DNAAF11: variants seen among roughly 807,000 people sequenced by gnomAD.
The protein encoded by DNAAF11 is dynein axonemal assembly factor 11.
Under a neutral mutation model 60.8 loss-of-function variants are expected in DNAAF11, and 45 were observed. That is an observed-to-expected ratio of 0.74 (90% confidence interval 0.58 to 0.95). The LOEUF (loss-of-function observed/expected upper bound fraction) is 0.95, where lower values mean the gene tolerates loss of function less well. Among genes scored for constraint, DNAAF11 ranks in the 40% least tolerant of loss-of-function variants. DNAAF11 has a pLI of 0.00. For synonymous variants in DNAAF11, 191 were observed against 183.5 expected, an observed-to-expected ratio of 1.04 and a Z score of -0.33; for missense variants, 546 against 546.2, an observed-to-expected ratio of 1.00 and a Z score of 0.00.
intron 1 of DNAAF11, among the ~76,000 whole-genome samples, chr8:132,673,169 G>A (rs1007931551): frequency 2.6e-5 from 4 of 152,154 alleles, no homozygotes; most frequent in African/African-American, 9.7e-5. Context: ...TCCTGTGGGC[G>A]GCAGTGCGGT....
chr8:132,689,458 A>G, the DNAAF11 span, among the ~76,000 whole-genome samples: 5 of 152,216 alleles, frequency 3.3e-5, no homozygotes, highest in Non-Finnish European at 7.3e-5. Flanking sequence ...ACAAAGATAC[A>G]CAAGGAAAAA....
chr8:132,628,830 G>C (rs2130387967), intron 5 of DNAAF11, among the ~76,000 whole-genome samples: 1 of 152,266 alleles, frequency 6.6e-6, no homozygotes, highest in African/African-American at 2.4e-5. Flanking sequence ...TAAAGTACAA[G>C]GAACAGACCA....
At chr8:132,625,777 G>T (rs1820209125) in intron 5 of DNAAF11, among the ~76,000 whole-genome samples, 1 of 152,156 alleles carries the variant, frequency 6.6e-6, no homozygotes, top group South Asian at 2.1e-4. Flanking sequence ...TTTATAAAAA[G>T]TACAGATTCC....
intron 7 of DNAAF11, among the ~76,000 whole-genome samples, chr8:132,615,903 T>A (rs1563624519): frequency 6.6e-6 from 1 of 152,164 alleles, no homozygotes; most frequent in Non-Finnish European, 1.5e-5. Flanking sequence ...TAGGAAAATG[T>A]GAAGTTAGCG....
chr8:132,626,963 T>C (rs952839776), intron 5 of DNAAF11, among the ~76,000 whole-genome samples: 2 of 152,230 alleles, frequency 1.3e-5, no homozygotes, highest in South Asian at 2.1e-4. Flanking sequence ...CTGAAAATAC[T>C]AGAACATGAA....
At position 132,661,539 on chromosome 8, in the gene DNAAF11, T is replaced by C; in HGVS notation, c.99A>G (p.Ile33Met). ...ATTTATCAATGTGTTCTAGTCTTTC[T>C]ATTTCTTGCTGATGCAACGAGAGTT... ...LEELSLHQQE[I>M]ERLEHIDKWC... Residue 33 changes from isoleucine (I) to methionine (M), a missense_variant, in exon 2 of 12, where the codon ATA becomes ATG. By Grantham distance (10) the Ile-to-Met change is conservative (BLOSUM62 1). Transcript: ENST00000620350. The C allele has an allele frequency of 6.2e-7, 1 of 1,613,916 alleles. No homozygotes were observed. Among genetic ancestry groups the C allele is most frequent in the Non-Finnish European group, 8.5e-7 (1 of 1,179,774 alleles).
intron 1 of DNAAF11, chr8:132,675,226 C>T (rs770587245): frequency 4.7e-6 from 2 of 429,420 alleles, no homozygotes; most frequent in Non-Finnish European, 8.5e-6. Context: ...TGCCTTTCTG[C>T]CTCTTCCTCC....
At chr8:132,660,226 C>T (rs997863794) in intron 2 of DNAAF11, among the ~76,000 whole-genome samples, 16 of 146,530 alleles carry the variant, frequency 1.1e-4, no homozygotes, top group African/African-American at 3.2e-4. Context: ...GAGTACTTAT[C>T]TTTTTTTTTT....
intron 10 of DNAAF11, among the ~76,000 whole-genome samples, chr8:132,588,154 C>A (rs1054313612): frequency 2.6e-4 from 39 of 152,240 alleles, no homozygotes; most frequent in Non-Finnish European, 4.4e-4. Flanking sequence ...AAAATAATTT[C>A]TTATGGTTCA....
upstream of DNAAF11, among the ~76,000 whole-genome samples, chr8:132,676,958 G>A (rs1055092350): frequency 7.9e-5 from 12 of 152,182 alleles, no homozygotes; most frequent in Admixed American, 2.0e-4. Context: ...GTTAGTGTGA[G>A]GTGAACAGTA....
At chr8:132,697,755 C>T in the DNAAF11 span, among the ~76,000 whole-genome samples, 1 of 151,922 alleles carries the variant, frequency 6.6e-6, no homozygotes, top group Non-Finnish European at 1.5e-5. Flanking sequence ...GAGAGAGATG[C>T]TAAAGTCTTC....
chr8:132,661,205 C>A (rs186557460), intron 2 of DNAAF11, among the ~76,000 whole-genome samples: 7 of 152,142 alleles, frequency 4.6e-5, no homozygotes, highest in African/African-American at 1.7e-4. Flanking sequence ...TGTTCTCTGT[C>A]TTTTTAGATG....
chr8:132,576,696 T>C (rs1045549509), intron 11 of DNAAF11, among the ~76,000 whole-genome samples: 2 of 152,196 alleles, frequency 1.3e-5, no homozygotes, highest in Non-Finnish European at 2.9e-5. Context: ...CAGTTAGGAA[T>C]GTTGAACTGG....
At chr8:132,590,025 C>G (rs940841678) in intron 10 of DNAAF11, among the ~76,000 whole-genome samples, 3 of 152,214 alleles carry the variant, frequency 2.0e-5, no homozygotes, top group African/African-American at 7.2e-5. Flanking sequence ...GACATGGTGT[C>G]TTAACGCATA....
Position 132,632,846 on chromosome 8 carries a change from G to A in DNAAF11, c.547C>T (p.Leu183Phe). 1 of 1,613,560 alleles carries A rather than the reference G, an allele frequency of 6.2e-7. No individual in the cohort carries two copies. Among genetic ancestry groups the A allele is most frequent in the Non-Finnish European group, 8.5e-7 (1 of 1,179,632 alleles). Reference protein sequence around the residue: ...EKDHCLKRAKLKEEAQRKHQE... With the variant: ...EKDHCLKRAKFKEEAQRKHQE... The stretch of plus-strand genomic sequence containing the variant: ...TGTTTCCTCTGAGCCTCTTCCTTGA[G>A]TTTGGCTCGTTTAAGACAGTGATCT... The change falls in exon 5 of 12, where the codon CTC becomes TTC. Residue 183 changes from leucine (L) to phenylalanine (F), a missense_variant. Leu to Phe is a conservative substitution (Grantham distance 22, BLOSUM62 0). Coordinates refer to ENST00000620350, the MANE Select transcript of DNAAF11 (RefSeq NM_012472.6).
the DNAAF11 span, among the ~76,000 whole-genome samples, chr8:132,697,717 C>A: frequency 6.6e-6 from 1 of 152,022 alleles, no homozygotes; most frequent in Non-Finnish European, 1.5e-5. Context: ...CCAAGAATGA[C>A]TGGAATCGTA....
rs56321082 is a variant in DNAAF11, at chr8:132,661,414, A to T, written c.178+46T>A. On this transcript the variant is annotated intron_variant, in intron 2 of 11. Transcript: ENST00000620350. ...ACACAGCACTTTCCAAAGTTCTCTC[A>T]TTCACAATGTTCAAGAAACCATGAG... 112,751 of 1,489,756 alleles carry T rather than the reference A, an allele frequency of 0.076. 4,808 individuals are homozygous for T. Among genetic ancestry groups the T allele is most frequent in the South Asian group, 0.089 (7,127 of 79,968 alleles). The allele number at this position is 1,489,756 out of a possible 1,614,324, so 92.3% of individuals were successfully genotyped here. A position where few individuals can be genotyped will look rare whatever the true frequency, so the allele number is the denominator to read the frequency against.
At chr8:132,646,338 A>G (rs1001596467) in intron 3 of DNAAF11, among the ~76,000 whole-genome samples, 2 of 152,208 alleles carry the variant, frequency 1.3e-5, no homozygotes, top group Admixed American at 6.5e-5. Flanking sequence ...TGAAGGAAGC[A>G]CTAAACATGG....
At chr8:132,618,722 G>T (rs1819442577) in intron 7 of DNAAF11, among the ~76,000 whole-genome samples, 1 of 151,784 alleles carries the variant, frequency 6.6e-6, no homozygotes, top group Non-Finnish European at 1.5e-5. Flanking sequence ...GGCCATCAGA[G>T]AAATGCAAAT....
Sources: gnomAD v4.1 joint callset for allele counts (sites outside exome capture counted in the v4.1 genomes callset) on GRCh38, gnomAD v4.1.1 for gene constraint, MANE v1.5 for transcripts, NCBI Gene and HGNC (gene_info 2026-07-23, HGNC 2026-07-21) for gene names.